The following MAP3K12 variants were observed in gnomAD, a reference collection of about 807,000 sequenced individuals.
The protein encoded by MAP3K12 is mitogen-activated protein kinase kinase kinase 12, also known as MAPK-upstream kinase.
In MAP3K12, 14 loss-of-function variants were observed where a neutral mutation model predicts 87.5. The observed-to-expected ratio is 0.16, with a 90% CI of 0.11 to 0.25. MAP3K12 has a LOEUF of 0.25. MAP3K12 is among the 10% of genes least tolerant of loss of function. The probability of loss-of-function intolerance (pLI) is 1.00; values close to 1 mark genes in which losing one functional copy is unlikely to be tolerated. For synonymous variants in MAP3K12, 469 were observed against 452.5 expected, an observed-to-expected ratio of 1.04 and a Z score of -0.46; for missense variants, 802 against 1,140.4, an observed-to-expected ratio of 0.70 and a Z score of 4.27.
Position 53,487,225 on chromosome 12 carries a change from C to T in MAP3K12, c.167G>A (p.Gly56Asp). The stretch of plus-strand genomic sequence containing the variant: ...GCTGGGCCCTCCCCCACCCTGCCCA[C>T]CAAGGGGTACCACATCTCGAAGTAC... ...QCVLRDVVPL[G>D]GQGGGGPSPS... The change falls in exon 2 of 14, where the codon GGT (glycine) becomes GAT (aspartate). Residue 56 changes from glycine to aspartate, a missense_variant. Coordinates refer to ENST00000547488, the MANE Select transcript of MAP3K12 (RefSeq NM_001193511.2). 3 of 1,613,424 alleles carry T rather than the reference C, an allele frequency of 1.9e-6. No individual in the cohort carries two copies. Among genetic ancestry groups the T allele is most frequent in the African/African-American group, 1.3e-5 (1 of 74,810 alleles).
At chr12:53,489,980 C>T (rs1318456765) in intron 1 of MAP3K12, among the ~76,000 whole-genome samples, 1 of 152,200 alleles carries the variant, frequency 6.6e-6, no homozygotes, top group African/African-American at 2.4e-5. Flanking sequence ...CCCAATTCTC[C>T]ACCCAGCTCC....
rs533517427 is a variant in MAP3K12 at position 53,482,909 on chromosome 12, G to C, written c.1894C>G (p.His632Asp). 4.3e-5 allele frequency: 70 copies of C among 1,610,728 alleles called. 2 individuals are homozygous for C. In the South Asian group the frequency reaches 6.7e-4, roughly 15 times the overall value. Residue 632 changes from histidine to aspartate, a missense_variant, in exon 11 of 14, where the codon CAT (histidine) becomes GAT (aspartate). By Grantham distance (81) the His-to-Asp change is moderately conservative. Coordinates refer to ENST00000547488, the MANE Select transcript of MAP3K12 (RefSeq NM_001193511.2). ...GACATTTTGCGGAGCAGGAGGTCAT[G>C]ATGAAGCCCACGGAGGGCGGGAGGG... ...ACPPALRGLH[H>D]DLLLRKMSSS...
chr12:53,489,079 C>CAAA (rs925604046), intron 1 of MAP3K12, among the ~76,000 whole-genome samples: 9 of 46,348 alleles, frequency 1.9e-4, no homozygotes, highest in African/African-American at 5.0e-4. Flanking sequence ...AACTCTGTCT[C>CAAA]AAAAAAAAAA....
At chr12:53,488,087 C>T (rs553064732) in intron 1 of MAP3K12, among the ~76,000 whole-genome samples, 1 of 152,308 alleles carries the variant, frequency 6.6e-6, no homozygotes, top group Non-Finnish European at 1.5e-5. Context: ...TTCTAAAACA[C>T]ACCCCTGGGC....
At chr12:53,489,714 T>C (rs2137212019) in intron 1 of MAP3K12, among the ~76,000 whole-genome samples, 1 of 152,262 alleles carries the variant, frequency 6.6e-6, no homozygotes, top group South Asian at 2.1e-4. Flanking sequence ...CAGTAGATGA[T>C]TACACAGGCA....
At chr12:53,496,395 G>A (rs1284123300) in intron 1 of MAP3K12, among the ~76,000 whole-genome samples, 1 of 152,056 alleles carries the variant, frequency 6.6e-6, no homozygotes, top group Non-Finnish European at 1.5e-5. Context: ...TCTGGAATCT[G>A]CTCTCTTAAG....
Position 53,484,792 on chromosome 12 carries a change from G to C in MAP3K12, c.1139+264C>G, listed in dbSNP as rs1278985250. On this transcript the variant is annotated intron_variant, in intron 6 of 13. Transcript: ENST00000547488. The stretch of plus-strand genomic sequence containing the variant: ...TTGGTGGTTATGCTGCTCCTTCCTT[G>C]TACTTGTATGCACTCACTGGCACTT... 8 of 524,606 alleles carry C rather than the reference G, an allele frequency of 1.5e-5. No individual in the cohort carries two copies. In the East Asian group the frequency reaches 2.8e-4, roughly 18 times the overall value. The allele number at this position is 524,606 out of a possible 1,614,324, so 32.5% of individuals were successfully genotyped here.
chr12:53,501,364 G>C (rs753563878), upstream of MAP3K12: 3 of 1,551,614 alleles, frequency 1.9e-6, no homozygotes, highest in South Asian at 3.6e-5. Context: ...ATTGGGGCGC[G>C]TGGAGGCTGC....
At chr12:53,484,842 T>C (rs929250078) in intron 6 of MAP3K12, 1 of 604,366 alleles carries the variant, frequency 1.7e-6, no homozygotes, top group Non-Finnish European at 2.9e-6. Context: ...AATGCAGATA[T>C]CGTTAAGTGT....
intron 1 of MAP3K12, among the ~76,000 whole-genome samples, chr12:53,499,005 G>GT (rs1943612672): frequency 7.9e-6 from 1 of 127,268 alleles, no homozygotes; most frequent in African/African-American, 3.1e-5. Flanking sequence ...TGTGTGTGTG[G>GT]AGATGGTGGG....
At chr12:53,498,453 C>T (rs745620286) in intron 1 of MAP3K12, among the ~76,000 whole-genome samples, 4 of 152,104 alleles carry the variant, frequency 2.6e-5, no homozygotes, top group Non-Finnish European at 4.4e-5. Flanking sequence ...CACTCACCTA[C>T]GCTCCTCTGA....
rs571414782 is a variant in MAP3K12 at position 53,485,817 on chromosome 12, A to G, written c.821+239T>C. The G allele has an allele frequency of 6.5e-4, 349 of 539,292 alleles. 1 individual carries two copies. The highest frequency in any genetic ancestry group is 5.9e-3 in the African/African-American group (312 of 52,822). 33.4% of individuals were successfully genotyped at this position (539,292 alleles called of 1,614,324 possible). A position where few individuals can be genotyped will look rare whatever the true frequency, so the allele number is the denominator to read the frequency against. On this transcript the variant is annotated intron_variant, in intron 4 of 13. Transcript: ENST00000547488. The stretch of plus-strand genomic sequence containing the variant: ...GTGATCCACCCGCCTCGGCCTCCCA[A>G]AGTGTTGGGATTACAGGCGTGAGCC...
In MAP3K12 at chr12:53,482,671, A is replaced by C. The variant is rs775996173; in HGVS notation, c.2132T>G (p.Leu711Arg). Reference sequence around the variant, plus strand: ...TGAGGTCCCTTCCCTTCCAGTTCCCAGAAGCCCCACACCTTCACCAGGCCC... The same window carrying C: ...TGAGGTCCCTTCCCTTCCAGTTCCCCGAAGCCCCACACCTTCACCAGGCCC... The part of the protein sequence containing the change: ...PVGPGEGVGL[L>R]GTGREGTSGR... Residue 711 changes from leucine to arginine, a missense_variant, in exon 11 of 14, where the codon CTG becomes CGG. By Grantham distance (102) the Leu-to-Arg change is moderately radical. Coordinates refer to ENST00000547488, the MANE Select transcript of MAP3K12 (RefSeq NM_001193511.2). 6.2e-7 allele frequency: 1 copy of C among 1,613,942 alleles called. No individual in the cohort carries two copies. Among genetic ancestry groups the C allele is most frequent in the East Asian group, 2.2e-5 (1 of 44,872 alleles).
chr12:53,489,955 A>G lies in MAP3K12; in HGVS notation c.-37-2527T>C, dbSNP rs182252210. Among the ~76,000 whole-genome samples the G allele has an allele frequency of 7.4e-4, 112 of 152,296 alleles. 1 individual carries two copies. Among genetic ancestry groups the G allele is most frequent in the African/African-American group, 2.5e-3 (104 of 41,552 alleles). On this transcript the variant is annotated intron_variant, in intron 1 of 13. Transcript: ENST00000547488. The stretch of plus-strand genomic sequence containing the variant: ...CCTGGCCCAGGACAGCTGGTCTCCA[A>G]GTGCCCTCCCTAACCCCAATTCTCC...
intron 6 of MAP3K12, 189 bp from the exon 7 acceptor site, chr12:53,484,554 G>A: frequency 1.8e-6 from 1 of 561,404 alleles, no homozygotes; most frequent in South Asian, 2.3e-5. Context: ...AAATCCTGCA[G>A]TAAGGAAACC....
rs746102006 is a variant in MAP3K12 at position 53,486,972 on chromosome 12, G to A, written c.420C>T (p.Ser140=). 115 of 1,614,094 alleles carry A rather than the reference G, an allele frequency of 7.1e-5. No homozygotes were observed. The highest frequency in any genetic ancestry group is 9.0e-5 in the Non-Finnish European group (106 of 1,179,978). The change falls in exon 2 of 14, where the codon TCC becomes TCT. Residue 140 remains serine (S), a synonymous_variant. Transcript: ENST00000547488. This position sits in a 1 kb window ranked among gnomAD's most constrained non-coding sequence, Gnocchi z 4.9. The part of the protein sequence containing the change: ...PVWTMIGKAY[S]TEHKQQQEDL... ...CTTCCTGCTGCTGCTTGTGCTCAGT[G>A]GAGTAGGCTTTGCCAATCATGGTCC...
chr12:53,484,748 G>C (rs1943179144), intron 6 of MAP3K12: 1 of 475,768 alleles, frequency 2.1e-6, no homozygotes, highest in Non-Finnish European at 3.8e-6. Flanking sequence ...TTGTTTACTT[G>C]AGGCTCAACC....
rs555993639 is a variant in MAP3K12, at chr12:53,483,629, G to A, written c.1453C>T (p.Leu485Phe). The change falls in exon 9 of 14, where the codon CTC (leucine) becomes TTC (phenylalanine). Residue 485 changes from leucine to phenylalanine, a missense_variant. This residue lies in a region of MAP3K12 where 99 missense variants were observed against 193.4 expected (regional missense o/e 0.51). Transcript: ENST00000547488. ...TACCTGAGCAGCTCCCTCTCCTTGAGTTCCAGCTGCAACATGAGGGCATTA... is the reference window on the plus strand; with the variant it reads ...TACCTGAGCAGCTCCCTCTCCTTGAATTCCAGCTGCAACATGAGGGCATTA... ...ELNALMLQLE[L>F]KERELLRREQ... 1 of 1,614,002 alleles carries A rather than the reference G, an allele frequency of 6.2e-7. No homozygotes were observed. The highest frequency in any genetic ancestry group is 1.7e-5 in the Admixed American group (1 of 60,000).
Position 53,479,671 on chromosome 12 carries a change from G to GGT in MAP3K12, c.*1510_*1511insAC. The GGT allele has an allele frequency of 4.9e-6, 1 of 202,214 alleles. No individual in the cohort carries two copies. Among genetic ancestry groups the GGT allele is most frequent in the East Asian group, 8.5e-5 (1 of 11,742 alleles). 12.5% of individuals were successfully genotyped at this position (202,214 alleles called of 1,614,324 possible). A position where few individuals can be genotyped will look rare whatever the true frequency, so the allele number is the denominator to read the frequency against. ...ATTTAGTTTTATAAGCTTCTCCCTG[G>GGT]TTTTTTTTTTTTGGCTCATGAATTT... On this transcript the variant is annotated 3_prime_UTR_variant, in exon 14 of 14. Coordinates refer to ENST00000547488, the MANE Select transcript of MAP3K12 (RefSeq NM_001193511.2).
Sources: gnomAD v4.1 joint callset for allele counts (sites outside exome capture counted in the v4.1 genomes callset) on GRCh38, gnomAD v4.1.1 for gene constraint, gnomAD v4.1.1 regional missense constraint, Gnocchi (gnomAD v3.1) non-coding constraint, MANE v1.5 for transcripts, NCBI Gene and HGNC (gene_info 2026-07-23, HGNC 2026-07-21) for gene names.